Variants in KCNH8 observed in about 807,000 individuals in gnomAD.
KCNH8 encodes the protein voltage-gated delayed rectifier potassium channel KCNH8.
A neutral mutation model predicts 103.6 loss-of-function variants in KCNH8; 70 were observed. That is an observed-to-expected ratio of 0.68 (90% CI 0.56 to 0.82). The LOEUF is 0.82. KCNH8 is among the 40% of genes least tolerant of loss of function. The pLI is 0.00. For missense variants in KCNH8, 1,217 were observed against 1,329.9 expected, an observed-to-expected ratio of 0.92 and a Z score of 1.32; for synonymous variants, 498 against 489.4, an observed-to-expected ratio of 1.02 and a Z score of -0.23.
At chr3:19,195,057 A>G (rs910782426) in intron 1 of KCNH8, among the ~76,000 whole-genome samples, 4 of 151,652 alleles carry the variant, frequency 2.6e-5, no homozygotes, top group Non-Finnish European at 4.4e-5. Context: ...AAGACATGAT[A>G]TGTTTTAGGG....
intron 1 of KCNH8, among the ~76,000 whole-genome samples, chr3:19,252,192 G>A (rs1206673827): frequency 6.6e-6 from 1 of 151,780 alleles, no homozygotes. Context: ...TCTCTCTGTC[G>A]ACATTATATT....
intron 1 of KCNH8, among the ~76,000 whole-genome samples, chr3:19,175,663 A>G (rs953464740): frequency 6.6e-6 from 1 of 152,218 alleles, no homozygotes; most frequent in Non-Finnish European, 1.5e-5. Flanking sequence ...TACAAAGAAT[A>G]CAGTGACTAG....
chr3:19,440,371 C>A (rs2067264632), intron 8 of KCNH8, among the ~76,000 whole-genome samples: 1 of 152,024 alleles, frequency 6.6e-6, no homozygotes, highest in African/African-American at 2.4e-5. Context: ...AAGACATATC[C>A]AAGACTGGGC....
At chr3:19,194,080 G>A (rs1034557861) in intron 1 of KCNH8, among the ~76,000 whole-genome samples, 1 of 151,716 alleles carries the variant, frequency 6.6e-6, no homozygotes, top group African/African-American at 2.4e-5. Flanking sequence ...AAGTATGCTC[G>A]AATGGACTTC....
At chr3:19,503,552 G>T (rs1314533839) in intron 11 of KCNH8, among the ~76,000 whole-genome samples, 1 of 152,060 alleles carries the variant, frequency 6.6e-6, no homozygotes, top group Non-Finnish European at 1.5e-5. Context: ...TGATAGACTG[G>T]ATTAAGAAAA....
At chr3:19,239,304 A>G (rs1270752888) in intron 1 of KCNH8, among the ~76,000 whole-genome samples, 1 of 152,178 alleles carries the variant, frequency 6.6e-6, no homozygotes, top group African/African-American at 2.4e-5. Context: ...GATAACTAGT[A>G]CAGTCCTGGA....
chr3:19,212,656 A>G (rs1007536324), intron 1 of KCNH8, among the ~76,000 whole-genome samples: 2 of 152,208 alleles, frequency 1.3e-5, no homozygotes, highest in Non-Finnish European at 2.9e-5. Context: ...TCACAGAAGT[A>G]CAGAAGTACA....
At chr3:19,495,718 T>C (rs2068424998) in intron 11 of KCNH8, among the ~76,000 whole-genome samples, 1 of 152,076 alleles carries the variant, frequency 6.6e-6, no homozygotes, top group South Asian at 2.1e-4. Context: ...ATTTAAATTT[T>C]TTTTTTTTTA....
At chr3:19,487,157 G>A (rs529777797) in intron 11 of KCNH8, among the ~76,000 whole-genome samples, 2 of 152,314 alleles carry the variant, frequency 1.3e-5, no homozygotes, top group African/African-American at 4.8e-5. Flanking sequence ...GGGAAGCCGG[G>A]TCCAAGTGTA....
intron 10 of KCNH8, among the ~76,000 whole-genome samples, chr3:19,454,202 TTTC>T (rs1054348644): frequency 4.7e-5 from 7 of 147,940 alleles, no homozygotes; most frequent in Admixed American, 2.0e-4. Context: ...GTGTGTTTTC[TTTC>T]TTAAGGGGAG....
At chr3:19,489,933 G>A (rs2068283413) in intron 11 of KCNH8, among the ~76,000 whole-genome samples, 1 of 152,202 alleles carries the variant, frequency 6.6e-6, no homozygotes, top group Non-Finnish European at 1.5e-5. Flanking sequence ...CCACTCAAAT[G>A]GAGTGGGCAA....
chr3:19,325,497 A>G (rs955776630), intron 3 of KCNH8, among the ~76,000 whole-genome samples: 6 of 152,210 alleles, frequency 3.9e-5, no homozygotes, highest in African/African-American at 1.2e-4. Flanking sequence ...CTGACAAGAA[A>G]AAAACAACCC....
intron 7 of KCNH8, 142 bp downstream of exon 7, chr3:19,395,453 C>A: frequency 1.7e-6 from 1 of 584,380 alleles, no homozygotes; most frequent in Non-Finnish European, 2.9e-6. Context: ...TTTTTGAATC[C>A]ATGACACAAG....
At chr3:19,150,157 A>G (rs1015617361) in intron 1 of KCNH8, among the ~76,000 whole-genome samples, 7 of 152,086 alleles carry the variant, frequency 4.6e-5, no homozygotes, top group Non-Finnish European at 8.8e-5. Context: ...TATGAGGTGT[A>G]ATGTTATTAC....
intron 15 of KCNH8, among the ~76,000 whole-genome samples, chr3:19,526,692 C>T (rs1253758515): frequency 6.6e-6 from 1 of 151,916 alleles, no homozygotes; most frequent in Admixed American, 6.6e-5. Flanking sequence ...TGAAAGCTCC[C>T]ATTTTGAAGT....
chr3:19,381,835 G>C (rs762647735), intron 5 of KCNH8, among the ~76,000 whole-genome samples: 1 of 152,092 alleles, frequency 6.6e-6, no homozygotes, highest in Non-Finnish European at 1.5e-5. Flanking sequence ...TATTAAACTA[G>C]AATATATACA....
intron 11 of KCNH8, among the ~76,000 whole-genome samples, chr3:19,490,639 CTTT>C (rs527740028): frequency 1.1e-3 from 172 of 152,276 alleles, no homozygotes; most frequent in African/African-American, 3.7e-3. Context: ...TCAGTTTTTA[CTTT>C]TTCTTTCTTT....
intron 5 of KCNH8, among the ~76,000 whole-genome samples, chr3:19,348,969 G>A (rs1030254574): frequency 6.6e-6 from 1 of 151,780 alleles, no homozygotes; most frequent in Admixed American, 6.6e-5. Context: ...TGCGTTTTCT[G>A]GTTGAATGTC....
intron 7 of KCNH8, among the ~76,000 whole-genome samples, chr3:19,418,432 A>C (rs1260142128): frequency 6.6e-6 from 1 of 152,226 alleles, no homozygotes; most frequent in Non-Finnish European, 1.5e-5. Flanking sequence ...ATATAGCTTA[A>C]GTTTGGCCAC....
Sources: gnomAD v4.1 joint callset for allele counts (sites outside exome capture counted in the v4.1 genomes callset) on GRCh38, gnomAD v4.1.1 for gene constraint, MANE v1.5 for transcripts, NCBI Gene and HGNC (gene_info 2026-07-23, HGNC 2026-07-21) for gene names.